ADAMTSL1: variants seen among roughly 807,000 people sequenced by gnomAD.
ADAMTSL1 encodes ADAMTS like 1.
A neutral mutation model predicts 201.8 loss-of-function variants in ADAMTSL1; 126 were observed. The observed-to-expected ratio is 0.62, with a 90% CI of 0.54 to 0.72. The LOEUF (loss-of-function observed/expected upper bound fraction) is 0.72. Among genes scored for constraint, ADAMTSL1 ranks in the 30% least tolerant of loss-of-function variants. ADAMTSL1 has a pLI of 0.00. For synonymous variants in ADAMTSL1, 1,121 were observed against 903.4 expected (o/e 1.24, Z -4.32); for missense variants, 2,679 against 2,277.8 (o/e 1.18, Z -3.59).
In ADAMTSL1 at chr9:18,051,405, A is replaced by C. The variant is rs553681389; in HGVS notation, c.88-112457A>C. ...ACTGTGTGGGAAGGAGTCTTCCATG[A>C]AGGGGAAGGTAGGAATACTTGGAAT... On this transcript the variant is annotated intron_variant, in intron 1 of 29. Transcript: ENST00000680146. 2.6e-5 allele frequency among the ~76,000 whole-genome samples: 4 copies of C among 152,300 alleles called. No individual in the cohort carries two copies. In the South Asian group the frequency reaches 8.3e-4, roughly 32 times the overall value.
At chr9:18,246,591 C>T (rs1831265670) in intron 2 of ADAMTSL1, among the ~76,000 whole-genome samples, 1 of 152,124 alleles carries the variant, frequency 6.6e-6, no homozygotes, top group Non-Finnish European at 1.5e-5. Context: ...ATTTTTATAA[C>T]AGTGCTCTAA....
intron 3 of ADAMTSL1, among the ~76,000 whole-genome samples, chr9:18,547,862 C>T (rs548906994): frequency 4.0e-5 from 6 of 151,576 alleles, no homozygotes; most frequent in African/African-American, 1.5e-4. Flanking sequence ...CCATGTGAAC[C>T]GTATGGAGAT....
At chr9:18,539,184 GATCA>G (rs993386961) in intron 3 of ADAMTSL1, among the ~76,000 whole-genome samples, 16 of 152,216 alleles carry the variant, frequency 1.1e-4, no homozygotes, top group African/African-American at 3.9e-4. Flanking sequence ...TCATTCTCTT[GATCA>G]ATCAGTTTTA....
At chr9:18,891,794 C>T (rs1829291417) in intron 25 of ADAMTSL1, among the ~76,000 whole-genome samples, 1 of 152,224 alleles carries the variant, frequency 6.6e-6, no homozygotes. Flanking sequence ...GGAGGTGACA[C>T]GAATTTGGAT....
chr9:18,199,892 T>C (rs1195376823), intron 2 of ADAMTSL1, among the ~76,000 whole-genome samples: 1 of 94,250 alleles, frequency 1.1e-5, no homozygotes, highest in Non-Finnish European at 2.6e-5. Flanking sequence ...ACTTGCTAAA[T>C]TTTTTTTCCT....
At chr9:18,525,001 G>A (rs925373755) in intron 2 of ADAMTSL1, among the ~76,000 whole-genome samples, 7 of 152,190 alleles carry the variant, frequency 4.6e-5, no homozygotes, top group Non-Finnish European at 2.9e-5. Flanking sequence ...GATTGGAATA[G>A]TTTCAGAAGG....
At chr9:17,938,700 GA>G (rs1827110768) in intron 1 of ADAMTSL1, among the ~76,000 whole-genome samples, 1 of 152,062 alleles carries the variant, frequency 6.6e-6, no homozygotes, top group Admixed American at 6.6e-5. Flanking sequence ...ATCTTCCTCC[GA>G]CAAGATCCTT....
Position 18,889,598 on chromosome 9 carries a change from C to T in ADAMTSL1, c.4493C>T (p.Thr1498Ile), listed in dbSNP as rs751714870. The change falls in exon 25 of 29, where the codon ACC (threonine) becomes ATC (isoleucine). Residue 1498 changes from threonine (T) to isoleucine (I), a missense_variant. Coordinates refer to ENST00000380548, the MANE Select transcript of ADAMTSL1 (RefSeq NM_001040272.6). ...TGGTGGTCTGTGGACAGACTGGCAA[C>T]CTGCTCAGCCTCCTGTGGTAACCGG... ...DYWWSVDRLATCSASCGNRGV... is the reference protein window; with the variant it reads ...DYWWSVDRLAICSASCGNRGV... The T allele has an allele frequency of 6.2e-7, 1 of 1,613,884 alleles. No homozygotes were observed.
intron 1 of ADAMTSL1, among the ~76,000 whole-genome samples, chr9:18,006,646 A>T (rs545462135): frequency 6.6e-6 from 1 of 152,162 alleles, no homozygotes; most frequent in Admixed American, 6.5e-5. Flanking sequence ...CAGATTCCTC[A>T]TCTGTAAGTT....
At chr9:18,051,483 C>T (rs1821938895) in intron 1 of ADAMTSL1, among the ~76,000 whole-genome samples, 1 of 151,742 alleles carries the variant, frequency 6.6e-6, no homozygotes, top group Non-Finnish European at 1.5e-5. Flanking sequence ...TGGTATCAGC[C>T]CCTAAAGTTG....
At chr9:17,963,608 G>C (rs1026499343) in intron 1 of ADAMTSL1, among the ~76,000 whole-genome samples, 1 of 152,100 alleles carries the variant, frequency 6.6e-6, no homozygotes, top group South Asian at 2.1e-4. Flanking sequence ...TAAAAGGATA[G>C]ACATTCAATT....
chr9:18,310,870 T>C (rs968980910), intron 2 of ADAMTSL1, among the ~76,000 whole-genome samples: 27 of 152,272 alleles, frequency 1.8e-4, no homozygotes, highest in African/African-American at 5.8e-4. Flanking sequence ...ACCCAAAGGA[T>C]TATAAATCAT....
At chr9:18,210,625 G>C (rs1225965410) in intron 2 of ADAMTSL1, among the ~76,000 whole-genome samples, 4 of 151,176 alleles carry the variant, frequency 2.6e-5, no homozygotes, top group Non-Finnish European at 5.9e-5. Context: ...TATTCACCAA[G>C]ATTCACTTGC....
intron 15 of ADAMTSL1, among the ~76,000 whole-genome samples, chr9:18,741,782 C>T (rs1818843405): frequency 6.6e-6 from 1 of 152,170 alleles, no homozygotes. Flanking sequence ...TCTAATCCTC[C>T]TTTGCATGGC....
At chr9:18,656,788 C>T (rs922718407) in intron 7 of ADAMTSL1, among the ~76,000 whole-genome samples, 1 of 151,870 alleles carries the variant, frequency 6.6e-6, no homozygotes, top group Admixed American at 6.6e-5. Flanking sequence ...AAAAGTAGTC[C>T]AAACCTTGCC....
chr9:18,029,786 A>G (rs1225553973), intron 1 of ADAMTSL1, among the ~76,000 whole-genome samples: 2 of 152,358 alleles, frequency 1.3e-5, no homozygotes, highest in East Asian at 3.9e-4. Context: ...AGCCAAAAAC[A>G]CATGAAAAAA....
At chr9:18,757,592 C>T (rs188681638) in intron 16 of ADAMTSL1, among the ~76,000 whole-genome samples, 2 of 152,102 alleles carry the variant, frequency 1.3e-5, no homozygotes, top group African/African-American at 2.4e-5. Flanking sequence ...CTCCCCTGCC[C>T]GCCTACCATT....
At chr9:18,833,546 C>A (rs1825127662) in intron 23 of ADAMTSL1, among the ~76,000 whole-genome samples, 1 of 152,084 alleles carries the variant, frequency 6.6e-6, no homozygotes, top group South Asian at 2.1e-4. Context: ...CTTTTTAATG[C>A]AATTGTGTTT....
At chr9:18,067,707 GGGC>G (rs1822770962) in intron 1 of ADAMTSL1, among the ~76,000 whole-genome samples, 1 of 152,144 alleles carries the variant, frequency 6.6e-6, no homozygotes, top group African/African-American at 2.4e-5. Context: ...AACAGCAGCC[GGGC>G]CTAGGAACTT....
Sources: allele counts gnomAD v4.1 joint callset (sites outside exome capture counted in the v4.1 genomes callset), GRCh38; gene constraint gnomAD v4.1.1; transcripts MANE v1.5; gene names NCBI Gene and HGNC (gene_info 2026-07-23, HGNC 2026-07-21).